Variants in SUGCT observed in about 807,000 individuals in gnomAD.
The protein encoded by SUGCT is succinyl-CoA:glutarate-CoA transferase, also known as succinyl-CoA:glutarate CoA-transferase.
SUGCT carries 41 observed loss-of-function variants against 55.0 expected under a neutral mutation model. The observed-to-expected ratio is 0.74, with a 90% CI of 0.58 to 0.97. The LOEUF (loss-of-function observed/expected upper bound fraction) is 0.97, where lower values mean the gene tolerates loss of function less well. SUGCT is among the 50% of genes least tolerant of loss of function. The pLI, the probability that SUGCT is intolerant of heterozygous loss-of-function variation, is 0.00. For synonymous variants in SUGCT, 187 were observed against 200.4 expected (o/e 0.93, Z 0.56); for missense variants, 568 against 547.8 (o/e 1.04, Z -0.37).
intron 8 of SUGCT, among the ~76,000 whole-genome samples, chr7:40,290,474 C>T (rs1358821900): frequency 3.9e-5 from 6 of 152,112 alleles, no homozygotes; most frequent in African/African-American, 1.4e-4. Context: ...GAAACTGGAT[C>T]CCTTCCTTAC....
At chr7:40,430,831 G>A (rs1034288211) in intron 9 of SUGCT, among the ~76,000 whole-genome samples, 6 of 151,978 alleles carry the variant, frequency 3.9e-5, no homozygotes, top group African/African-American at 1.4e-4. Context: ...AATGGCCTGT[G>A]GGCCGGGCAC....
chr7:40,762,273 G>A (rs7796990), intron 13 of SUGCT, among the ~76,000 whole-genome samples: 80,842 of 152,034 alleles, frequency 0.53, 23,127 homozygotes, highest in South Asian at 0.67. Flanking sequence ...ACAATTGTTC[G>A]TACTCTAGCT....
chr7:40,272,091 C>A (rs182101253), intron 7 of SUGCT, among the ~76,000 whole-genome samples: 3,934 of 84,434 alleles, frequency 0.047, 157 homozygotes, highest in East Asian at 0.079. Context: ...CTCTCTCTCT[C>A]TCTCTATATA....
At chr7:40,861,848 T>C (rs1034544527), downstream of SUGCT, among the ~76,000 whole-genome samples, 1 of 152,248 alleles carries the variant, frequency 6.6e-6, no homozygotes, top group Admixed American at 6.5e-5. Flanking sequence ...CTTGCTGTTA[T>C]TCTACTAGTT....
chr7:40,272,093 C>CTATA lies in SUGCT; in HGVS notation c.577-2419_577-2418insATAT, dbSNP rs1298207159. Among the ~76,000 whole-genome samples the CTATA allele has an allele frequency of 7.2e-4, 51 of 71,008 alleles. 1 individual carries two copies. The highest frequency in any genetic ancestry group is 2.6e-3 in the East Asian group (8 of 3,098). The allele number at this position is 71,008 out of a possible 152,430, so 46.6% of individuals were successfully genotyped here. A position where few individuals can be genotyped will look rare whatever the true frequency, so the allele number is the denominator to read the frequency against. ...GCTCTCTCTCTCTCTCTCTCTCTCT[C>CTATA]TCTATATATATATATATATGGATGT... On this transcript the variant is annotated intron_variant, in intron 7 of 13. Transcript: ENST00000335693.
At chr7:40,921,761 G>A in the SUGCT span, among the ~76,000 whole-genome samples, 4 of 152,142 alleles carry the variant, frequency 2.6e-5, no homozygotes, top group African/African-American at 9.7e-5. Context: ...GCCTCAGCTC[G>A]AAAGTGAGGT....
chr7:40,775,393 A>C (rs1310845781), intron 13 of SUGCT, among the ~76,000 whole-genome samples: 1 of 152,236 alleles, frequency 6.6e-6, no homozygotes, highest in Non-Finnish European at 1.5e-5. Context: ...CTCTACTGGA[A>C]AGGCAAATAC....
chr7:40,679,649 A>G (rs1005502229), intron 12 of SUGCT, among the ~76,000 whole-genome samples: 1 of 152,204 alleles, frequency 6.6e-6, no homozygotes, highest in Non-Finnish European at 1.5e-5. Flanking sequence ...ACAATAGAAG[A>G]GAGCTAGTTG....
the SUGCT span, among the ~76,000 whole-genome samples, chr7:40,929,144 A>C: frequency 6.6e-6 from 1 of 151,896 alleles, no homozygotes; most frequent in South Asian, 2.1e-4. Context: ...TCATTGTTCA[A>C]TTCCCACCTA....
intron 12 of SUGCT, among the ~76,000 whole-genome samples, chr7:40,619,052 C>T (rs1057336364): frequency 6.6e-6 from 1 of 152,168 alleles, no homozygotes; most frequent in African/African-American, 2.4e-5. Context: ...CCTCTACCTC[C>T]TCTCCCACTC....
the SUGCT span, among the ~76,000 whole-genome samples, chr7:40,944,877 G>A: frequency 2.0e-5 from 3 of 152,226 alleles, no homozygotes; most frequent in Middle Eastern, 3.4e-3. Flanking sequence ...TGCTTTCAAG[G>A]GTGAAGACTC....
intron 9 of SUGCT, among the ~76,000 whole-genome samples, chr7:40,407,158 A>T (rs1403300128): frequency 1.3e-5 from 2 of 152,298 alleles, no homozygotes; most frequent in East Asian, 3.9e-4. Context: ...ACAAACGTAC[A>T]CAAAAATGCT....
intron 12 of SUGCT, among the ~76,000 whole-genome samples, chr7:40,530,080 T>G (rs1393265243): frequency 6.6e-6 from 1 of 152,202 alleles, no homozygotes; most frequent in Non-Finnish European, 1.5e-5. Flanking sequence ...TGTAGTCATC[T>G]GCCTGCAGTC....
intron 12 of SUGCT, among the ~76,000 whole-genome samples, chr7:40,746,732 C>T (rs1787752188): frequency 3.3e-5 from 5 of 152,192 alleles, no homozygotes; most frequent in Admixed American, 3.3e-4. Context: ...ACGTATGTCC[C>T]TTGACCTTTA....
At chr7:40,489,446 C>T (rs750288355) in intron 11 of SUGCT, among the ~76,000 whole-genome samples, 55 of 152,120 alleles carry the variant, frequency 3.6e-4, no homozygotes, top group South Asian at 2.1e-3. Flanking sequence ...TTTGGGAGGC[C>T]GAGGCAGGAG....
At position 40,632,695 on chromosome 7, in the gene SUGCT, T is replaced by G. The variant is rs11976879; in HGVS notation, c.1090-116739T>G. 9.9e-4 allele frequency among the ~76,000 whole-genome samples: 151 copies of G among 152,162 alleles called. 1 individual carries two copies. The highest frequency in any genetic ancestry group is 3.5e-3 in the African/African-American group (144 of 41,520). ...TTCATTTGTTCAAAAAAGATTTGAA[T>G]GTCAAGTATATGTCAGTCACACAAG... On this transcript the variant is annotated intron_variant, in intron 12 of 13. Transcript: ENST00000335693.
chr7:40,392,811 T>G (rs1785517325), intron 9 of SUGCT, among the ~76,000 whole-genome samples: 1 of 152,186 alleles, frequency 6.6e-6, no homozygotes, highest in Non-Finnish European at 1.5e-5. Flanking sequence ...GGGATCTATT[T>G]GAGATGTAAG....
At chr7:40,339,676 C>T (rs142872857) in intron 9 of SUGCT, among the ~76,000 whole-genome samples, 1 of 152,202 alleles carries the variant, frequency 6.6e-6, no homozygotes, top group Non-Finnish European at 1.5e-5. Flanking sequence ...AGGGTATTCC[C>T]TGACCCCTTG....
chr7:40,952,176 C>A, the SUGCT span, among the ~76,000 whole-genome samples: 4 of 152,202 alleles, frequency 2.6e-5, no homozygotes, highest in Admixed American at 2.0e-4. Flanking sequence ...GTTAGCTCTT[C>A]TTGTTGCATT....
Sources: gnomAD v4.1 joint callset for allele counts (sites outside exome capture counted in the v4.1 genomes callset) on GRCh38, gnomAD v4.1.1 for gene constraint, MANE v1.5 for transcripts, NCBI Gene and HGNC (gene_info 2026-07-23, HGNC 2026-07-21) for gene names.